Variants in ZFAT observed in about 807,000 individuals in gnomAD.
ZFAT encodes the protein zinc finger and AT-hook domain containing, also known as zinc finger protein ZFAT.
Under a neutral mutation model 117.7 loss-of-function variants are expected in ZFAT, and 64 were observed. The observed-to-expected ratio is 0.54, with a 90% CI of 0.44 to 0.67. ZFAT has a LOEUF of 0.67. ZFAT is among the 30% of genes least tolerant of loss of function. ZFAT has a pLI of 0.00. For synonymous variants in ZFAT, 679 were observed against 615.0 expected (o/e 1.10, Z -1.54); for missense variants, 1,433 against 1,584.5 (o/e 0.90, Z 1.62).
the ZFAT span, among the ~76,000 whole-genome samples, chr8:134,832,059 G>A: frequency 6.7e-6 from 1 of 149,516 alleles, no homozygotes; most frequent in East Asian, 2.0e-4. Flanking sequence ...AGCGCCCCGC[G>A]CCCCGAGCCC....
intron 1 of ZFAT, among the ~76,000 whole-genome samples, chr8:134,689,082 C>G: frequency 6.6e-6 from 1 of 152,122 alleles, no homozygotes; most frequent in Non-Finnish European, 1.5e-5. Flanking sequence ...GAAGACTGGC[C>G]AGAACTGGGA....
At chr8:134,673,762 T>A (rs1832665996) in intron 1 of ZFAT, among the ~76,000 whole-genome samples, 1 of 152,298 alleles carries the variant, frequency 6.6e-6, no homozygotes, top group Admixed American at 6.5e-5. Context: ...CAAAAGGACA[T>A]AAGTATTCCC....
chr8:134,805,147 G>T, the ZFAT span, among the ~76,000 whole-genome samples: 1 of 152,114 alleles, frequency 6.6e-6, no homozygotes, highest in African/African-American at 2.4e-5. Flanking sequence ...AATTTTAAAA[G>T]AAAATACGCA....
chr8:134,723,715 G>T, the ZFAT span: 1 of 152,296 alleles, frequency 6.6e-6, no homozygotes, highest in African/African-American at 2.4e-5. Flanking sequence ...TCTGGGATCA[G>T]TCACCTCCCT....
chr8:134,487,903 C>T (rs1481215420), intron 15 of ZFAT, among the ~76,000 whole-genome samples: 1 of 152,252 alleles, frequency 6.6e-6, no homozygotes, highest in Non-Finnish European at 1.5e-5. Context: ...ACAGTGAATG[C>T]TGCTTCTCGA....
intron 3 of ZFAT, among the ~76,000 whole-genome samples, chr8:134,634,049 A>C (rs189491379): frequency 7.2e-4 from 95 of 131,774 alleles, no homozygotes; most frequent in Non-Finnish European, 9.6e-5. Flanking sequence ...TCCATCTCAA[A>C]AAAACAAAAC....
chr8:134,542,486 G>A (rs559423817), intron 11 of ZFAT, among the ~76,000 whole-genome samples: 1 of 152,290 alleles, frequency 6.6e-6, no homozygotes, highest in South Asian at 2.1e-4. Flanking sequence ...AGTGTGTACT[G>A]TTCCCTTCTT....
intron 15 of ZFAT, among the ~76,000 whole-genome samples, chr8:134,501,430 T>G (rs1818967360): frequency 6.6e-6 from 1 of 152,188 alleles, no homozygotes; most frequent in East Asian, 1.9e-4. Flanking sequence ...TTATGGCAGA[T>G]GGAAACTGCT....
chr8:134,750,737 GC>G, the ZFAT span, among the ~76,000 whole-genome samples: 1 of 152,120 alleles, frequency 6.6e-6, no homozygotes, highest in African/African-American at 2.4e-5. Context: ...CTGCACTCCA[GC>G]CTGGATGACA....
intron 8 of ZFAT, among the ~76,000 whole-genome samples, chr8:134,589,820 G>A (rs148862601): frequency 6.8e-4 from 103 of 152,362 alleles, no homozygotes; most frequent in African/African-American, 2.2e-3. Flanking sequence ...GAACACCCAG[G>A]TAGCTGGTGC....
intron 10 of ZFAT, among the ~76,000 whole-genome samples, chr8:134,565,992 T>G (rs552797927): frequency 6.6e-6 from 1 of 152,050 alleles, no homozygotes; most frequent in South Asian, 2.1e-4. Context: ...GCCAGCAAAG[T>G]GCAGGATCTG....
At chr8:134,542,334 T>G (rs986866394) in intron 11 of ZFAT, among the ~76,000 whole-genome samples, 2 of 152,240 alleles carry the variant, frequency 1.3e-5, no homozygotes, top group African/African-American at 4.8e-5. Context: ...TCAAAGGGTA[T>G]GTGTGCAGAT....
At chr8:134,586,843 A>ATTG (rs1350641531) in intron 9 of ZFAT, among the ~76,000 whole-genome samples, 15 of 152,372 alleles carry the variant, frequency 9.8e-5, no homozygotes, top group African/African-American at 3.6e-4. Flanking sequence ...TTCAAATCCC[A>ATTG]GTTCCACCAC....
chr8:134,563,045 T>C (rs1824160788), intron 11 of ZFAT, among the ~76,000 whole-genome samples: 1 of 152,182 alleles, frequency 6.6e-6, no homozygotes, highest in Non-Finnish European at 1.5e-5. Flanking sequence ...TTGCCTTAGC[T>C]CTCTATTCTC....
Position 134,602,279 on chromosome 8 carries a change from C to A in ZFAT, c.1440G>T (p.Val480=). Residue 480 remains valine (V), a synonymous_variant, in exon 6 of 16, where the codon GTG becomes GTT. Transcript: ENST00000377838. ...CCAAGGCCTCCTGGGCAGCCCCGTG[C>A]ACCTCTTTGATGTGGGTGCGCAGCC... is the stretch of plus-strand genomic sequence containing the variant. ...SIRLRTHIKE[V]HGAAQEALVF... 1 of 1,613,904 alleles carries A rather than the reference C, an allele frequency of 6.2e-7. No homozygotes were observed.
the ZFAT span, among the ~76,000 whole-genome samples, chr8:134,779,295 A>C: frequency 1.6e-3 from 245 of 151,950 alleles, 1 homozygote; most frequent in Middle Eastern, 0.01. Flanking sequence ...CTGTTTTAAC[A>C]ATACAGACTA....
chr8:134,517,060 C>T (rs987225770), intron 13 of ZFAT, among the ~76,000 whole-genome samples: 1 of 152,142 alleles, frequency 6.6e-6, no homozygotes, highest in African/African-American at 2.4e-5. Flanking sequence ...CTCAGAATCA[C>T]AATATTGTCC....
chr8:134,543,207 T>C (rs2130643515), intron 11 of ZFAT, among the ~76,000 whole-genome samples: 1 of 144,226 alleles, frequency 6.9e-6, no homozygotes, highest in South Asian at 2.2e-4. Flanking sequence ...ATGCAATTTC[T>C]GCACAGAAGA....
At chr8:134,589,665 G>A (rs1409467419) in intron 8 of ZFAT, among the ~76,000 whole-genome samples, 1 of 152,192 alleles carries the variant, frequency 6.6e-6, no homozygotes, top group East Asian at 1.9e-4. Flanking sequence ...CAGGGGTGCG[G>A]GGTGGACCCT....
Sources: gnomAD v4.1 joint callset for allele counts (sites outside exome capture counted in the v4.1 genomes callset) on GRCh38, gnomAD v4.1.1 for gene constraint, MANE v1.5 for transcripts, NCBI Gene and HGNC (gene_info 2026-07-23, HGNC 2026-07-21) for gene names.